CLASP2: variants seen among roughly 807,000 people sequenced by gnomAD.
CLASP2 encodes the protein cytoplasmic linker associated protein 2, also known as CLIP-associating protein 2.
CLASP2 carries 47 observed loss-of-function variants against 194.4 expected under a neutral mutation model. That is an observed-to-expected ratio of 0.24 (90% CI 0.19 to 0.31). The LOEUF (loss-of-function observed/expected upper bound fraction) is 0.31. CLASP2 is among the 10% of genes least tolerant of loss of function. The pLI, the probability that CLASP2 is intolerant of heterozygous loss-of-function variation, is 1.00. For missense variants in CLASP2, 1,445 were observed against 1,823.6 expected, an observed-to-expected ratio of 0.79 and a Z score of 3.78; for synonymous variants, 619 against 633.5, an observed-to-expected ratio of 0.98 and a Z score of 0.34.
intron 29 of CLASP2, among the ~76,000 whole-genome samples, chr3:33,551,939 GTTTTTTT>G (rs557274011): frequency 7.6e-6 from 1 of 131,336 alleles, no homozygotes. Flanking sequence ...GGGCAATATA[GTTTTTTT>G]TTTTTTTTTT....
chr3:33,551,485 GA>G (rs1383017695), intron 29 of CLASP2, 90 bp from the exon 30 acceptor site: 69 of 1,068,556 alleles, frequency 6.5e-5, no homozygotes, highest in Admixed American at 6.1e-5. Context: ...TGATGATGAT[GA>G]TTTTTTTTTT....
intron 1 of CLASP2, among the ~76,000 whole-genome samples, chr3:33,709,374 C>A (rs369620861): frequency 8.5e-5 from 13 of 152,048 alleles, no homozygotes; most frequent in East Asian, 7.7e-4. Flanking sequence ...AAGACACTAT[C>A]CTTTCCCCAT....
intron 27 of CLASP2, among the ~76,000 whole-genome samples, chr3:33,562,583 A>T (rs1326446033): frequency 6.6e-6 from 1 of 152,156 alleles, no homozygotes; most frequent in East Asian, 1.9e-4. Flanking sequence ...CATCTCAGAA[A>T]TGGGCAAACA....
Position 33,498,614 on chromosome 3 carries a change from C to T in CLASP2, c.*17G>A, listed in dbSNP as rs374145233. 126 of 1,571,146 alleles carry T rather than the reference C, an allele frequency of 8.0e-5. No homozygotes were observed. The African/African-American group carries it at 1.2e-3, about 15-fold the overall frequency. On this transcript the variant is annotated 3_prime_UTR_variant, in exon 39 of 39. Transcript: ENST00000682230. ...GTCCTTTCTTTTGAGAGACCTGGTT[C>T]GCTGTGATGAGCTTCACTAACTTTG...
rs528292583 is a variant in CLASP2, at chr3:33,560,930, T to C, written c.2808A>G (p.Gln936=). 8 of 1,613,950 alleles carry C rather than the reference T, an allele frequency of 5.0e-6. No individual in the cohort carries two copies. In the South Asian group the frequency reaches 8.8e-5, roughly 18 times the overall value. The change falls in exon 28 of 39, where the codon CAA becomes CAG. Residue 936 remains glutamine, a synonymous_variant. Transcript: ENST00000682230. ...MFLETLVDFI[Q]VHKDDLQDWL... is the part of the protein sequence containing the mutation. ...AATCTTGAAGATCATCTTTGTGGAC[T>C]TGTATGAAATCCACTAGAGTCTCCA... is the stretch of plus-strand genomic sequence containing the variant.
At chr3:33,543,073 T>C (rs1406354736) in intron 32 of CLASP2, among the ~76,000 whole-genome samples, 2 of 152,212 alleles carry the variant, frequency 1.3e-5, no homozygotes, top group East Asian at 1.9e-4. Context: ...TGCTTGCTTT[T>C]TTAAGAATGG....
chr3:33,687,707 T>C (rs967142695), intron 4 of CLASP2, among the ~76,000 whole-genome samples: 1 of 152,214 alleles, frequency 6.6e-6, no homozygotes, highest in African/African-American at 2.4e-5. Flanking sequence ...CTACTACATA[T>C]GACCTATGAC....
intron 24 of CLASP2, among the ~76,000 whole-genome samples, chr3:33,573,909 T>C (rs1042050487): frequency 2.0e-5 from 3 of 152,096 alleles, no homozygotes; most frequent in Non-Finnish European, 2.9e-5. Flanking sequence ...ATACAAAGAA[T>C]GATGAAAAAC....
At chr3:33,612,137 GCCT>G in intron 12 of CLASP2, 66 bp from the exon 13 acceptor site, 3 of 955,338 alleles carry the variant, frequency 3.1e-6, no homozygotes, top group Non-Finnish European at 4.9e-6. Context: ...TCTTCTATTT[GCCT>G]TACATTCAAG....
In CLASP2 at chr3:33,550,731, G is replaced by A. The variant is rs186023324; in HGVS notation, c.3153+521C>T. On this transcript the variant is annotated intron_variant, in intron 30 of 38. Coordinates refer to ENST00000682230, the MANE Select transcript of CLASP2 (RefSeq NM_001365631.1). Reference sequence around the variant, plus strand: ...CGTTTCTATAAGAAAGCAAGCAGTCGCAAATCACTTGGTATAAAAGTGAAT... The same window carrying A: ...CGTTTCTATAAGAAAGCAAGCAGTCACAAATCACTTGGTATAAAAGTGAAT... 1.6e-4 allele frequency among the ~76,000 whole-genome samples: 24 copies of A among 152,006 alleles called. No individual in the cohort carries two copies. The East Asian group carries it at 3.3e-3, about 21-fold the overall frequency.
chr3:33,519,901 C>G (rs1037381170), intron 34 of CLASP2, among the ~76,000 whole-genome samples: 5 of 152,084 alleles, frequency 3.3e-5, no homozygotes, highest in African/African-American at 4.8e-5. Flanking sequence ...TCTTCCTTTA[C>G]CAAATATAAA....
intron 33 of CLASP2, among the ~76,000 whole-genome samples, chr3:33,536,150 A>G (rs115127867): frequency 0.012 from 1,895 of 152,168 alleles, 15 homozygotes; most frequent in Middle Eastern, 0.044. Context: ...TACTATGCAC[A>G]TATTATATGC....
At chr3:33,661,571 C>T (rs2085311989) in intron 7 of CLASP2, among the ~76,000 whole-genome samples, 1 of 152,162 alleles carries the variant, frequency 6.6e-6, no homozygotes, top group Non-Finnish European at 1.5e-5. Flanking sequence ...ATGATGGTGC[C>T]ACTGACTAAA....
intron 1 of CLASP2, among the ~76,000 whole-genome samples, chr3:33,700,691 A>G (rs1189482622): frequency 1.3e-5 from 2 of 152,028 alleles, no homozygotes; most frequent in Non-Finnish European, 2.9e-5. Context: ...ACTAAAAAAT[A>G]CAAAAAAAAT....
intron 7 of CLASP2, among the ~76,000 whole-genome samples, chr3:33,663,206 A>G (rs926186801): frequency 5.9e-5 from 9 of 151,558 alleles, no homozygotes; most frequent in African/African-American, 1.9e-4. Context: ...CCAAAAAAAA[A>G]AAAAAAAAAA....
At chr3:33,575,182 C>A (rs2064584194) in intron 24 of CLASP2, among the ~76,000 whole-genome samples, 1 of 152,008 alleles carries the variant, frequency 6.6e-6, no homozygotes, top group South Asian at 2.1e-4. Flanking sequence ...AGAACAAAGT[C>A]CCTACTTAAT....
intron 7 of CLASP2, among the ~76,000 whole-genome samples, chr3:33,655,386 G>A (rs1332356277): frequency 1.3e-5 from 2 of 152,102 alleles, no homozygotes; most frequent in African/African-American, 4.8e-5. Context: ...AACACAGGAT[G>A]GTTGTACAAC....
rs1474441985 is a variant in CLASP2 at position 33,562,414 on chromosome 3, T to C, written c.2767-1443A>G. On this transcript the variant is annotated intron_variant, in intron 27 of 38. Coordinates refer to ENST00000682230, the MANE Select transcript of CLASP2 (RefSeq NM_001365631.1). ...CTAGACATAGTCTATGACAAATGCA[T>C]GTAACTAATCTGGTACTCATTCTTA... Among the ~76,000 whole-genome samples, 2 of 152,166 alleles carry C rather than the reference T, an allele frequency of 1.3e-5. 1 individual carries two copies.
At position 33,496,726 on chromosome 3, in the gene CLASP2, A is replaced by G. The variant is rs1267718408; in HGVS notation, c.*1905T>C. Reference sequence around the variant, plus strand: ...AAATTAAATCAATATTTTGATTCGAAATGATTACAAACATATCCAAAGGTC... The same window carrying G: ...AAATTAAATCAATATTTTGATTCGAGATGATTACAAACATATCCAAAGGTC... On this transcript the variant is annotated 3_prime_UTR_variant, in exon 39 of 39. Transcript: ENST00000682230. The G allele has an allele frequency of 2.0e-5, 3 of 152,206 alleles. No homozygotes were observed. Among genetic ancestry groups the G allele is most frequent in the Non-Finnish European group, 4.4e-5 (3 of 68,014 alleles). The allele number at this position is 152,206 out of a possible 1,614,324, so 9.4% of individuals were successfully genotyped here.
Sources: gnomAD v4.1 joint callset for allele counts (sites outside exome capture counted in the v4.1 genomes callset) on GRCh38, gnomAD v4.1.1 for gene constraint, MANE v1.5 for transcripts, NCBI Gene and HGNC (gene_info 2026-07-23, HGNC 2026-07-21) for gene names.